Variants in BRD10 observed in about 807,000 individuals in gnomAD.
The protein encoded by BRD10 is bromodomain containing 10, also known as uncharacterized bromodomain-containing protein 10.
the BRD10 span, chr9:5,968,981 G>A: frequency 6.2e-7 from 1 of 1,609,576 alleles, no homozygotes; most frequent in African/African-American, 1.3e-5. Flanking sequence ...TTCGTGAAAA[G>A]GTTTTTCTTC....
the BRD10 span, among the ~76,000 whole-genome samples, chr9:5,890,141 G>T: frequency 6.6e-6 from 1 of 152,154 alleles, no homozygotes; most frequent in African/African-American, 2.4e-5. Context: ...AGTTTAGTTT[G>T]GATTTCAGAT....
the BRD10 span, among the ~76,000 whole-genome samples, chr9:5,994,446 G>C: frequency 6.6e-6 from 1 of 152,068 alleles, no homozygotes; most frequent in South Asian, 2.1e-4. Flanking sequence ...CCACAAAAAA[G>C]CACTTATTAA....
chr9:5,960,518 C>A, the BRD10 span, among the ~76,000 whole-genome samples: 4 of 149,800 alleles, frequency 2.7e-5, no homozygotes, highest in Admixed American at 2.0e-4. Context: ...GCAGAGAATG[C>A]GCCAATGCAC....
At chr9:5,978,497 A>G in the BRD10 span, among the ~76,000 whole-genome samples, 2 of 152,130 alleles carry the variant, frequency 1.3e-5, no homozygotes, top group Admixed American at 6.5e-5. Context: ...TAAGATGAAT[A>G]ACACATAATA....
the BRD10 span, among the ~76,000 whole-genome samples, chr9:5,955,388 T>C: frequency 6.6e-6 from 1 of 152,196 alleles, no homozygotes; most frequent in African/African-American, 2.4e-5. Flanking sequence ...TGTCAATATT[T>C]TTTTCAAAAG....
the BRD10 span, chr9:6,008,264 C>A: frequency 1.0e-6 from 1 of 984,000 alleles, no homozygotes; most frequent in African/African-American, 1.7e-5. Context: ...CTCACACCCC[C>A]TCCCGCCCCC....
chr9:5,993,919 A>G, the BRD10 span, among the ~76,000 whole-genome samples: 5 of 152,198 alleles, frequency 3.3e-5, no homozygotes, highest in Admixed American at 2.6e-4. Context: ...TAGGAAAGAC[A>G]GAAAATTTTA....
the BRD10 span, among the ~76,000 whole-genome samples, chr9:5,936,802 A>C: frequency 6.6e-6 from 1 of 152,226 alleles, no homozygotes; most frequent in Non-Finnish European, 1.5e-5. Flanking sequence ...CATAGATTTA[A>C]ATTCAATTTT....
chr9:5,914,295 CTTACT>C, the BRD10 span, among the ~76,000 whole-genome samples: 1 of 151,534 alleles, frequency 6.6e-6, no homozygotes, highest in Non-Finnish European at 1.5e-5. Flanking sequence ...CCGTGTTTTC[CTTACT>C]TAATAATTTA....
the BRD10 span, among the ~76,000 whole-genome samples, chr9:5,902,470 T>C: frequency 7.0e-6 from 1 of 142,732 alleles, no homozygotes; most frequent in Non-Finnish European, 1.5e-5. Flanking sequence ...CTTTCTTTCC[T>C]TTTTTTTTTC....
chr9:5,952,738 T>G, the BRD10 span, among the ~76,000 whole-genome samples: 1 of 152,280 alleles, frequency 6.6e-6, no homozygotes, highest in Middle Eastern at 3.4e-3. Context: ...GGCTGATGCT[T>G]TGAGGACTGA....
the BRD10 span, chr9:6,008,095 C>G: frequency 1.3e-5 from 13 of 984,590 alleles, no homozygotes; most frequent in Non-Finnish European, 1.4e-5. Context: ...GCACCCCGCC[C>G]GCCTGCTCTT....
chr9:5,919,749 G>T, the BRD10 span: 1 of 1,613,474 alleles, frequency 6.2e-7, no homozygotes, highest in Non-Finnish European at 8.5e-7. Flanking sequence ...ACAGACGCAG[G>T]ACTTCGACTG....
At chr9:5,895,086 G>A in the BRD10 span, among the ~76,000 whole-genome samples, 8 of 152,188 alleles carry the variant, frequency 5.3e-5, no homozygotes, top group South Asian at 2.1e-4. Context: ...ACCCGTATGC[G>A]TGGGAGCTAT....
the BRD10 span, among the ~76,000 whole-genome samples, chr9:5,953,099 AAATG>A: frequency 1.3e-5 from 2 of 152,192 alleles, no homozygotes; most frequent in Non-Finnish European, 1.5e-5. Context: ...TTTTTACTGA[AAATG>A]AATGTGTCCA....
the BRD10 span, chr9:5,924,748 G>C: frequency 6.2e-7 from 1 of 1,606,166 alleles, no homozygotes; most frequent in Non-Finnish European, 8.5e-7. Context: ...TCTTTTCCAA[G>C]ATCTCCTTCA....
chr9:5,945,431 T>A, the BRD10 span, among the ~76,000 whole-genome samples: 1 of 152,116 alleles, frequency 6.6e-6, no homozygotes, highest in African/African-American at 2.4e-5. Context: ...GTTATTGCTG[T>A]TGGGGTTGCT....
At chr9:5,942,998 C>A in the BRD10 span, among the ~76,000 whole-genome samples, 1 of 152,136 alleles carries the variant, frequency 6.6e-6, no homozygotes, top group Admixed American at 6.6e-5. Flanking sequence ...CTGCCTCAGC[C>A]TCCTTAGAAG....
the BRD10 span, among the ~76,000 whole-genome samples, chr9:5,899,425 A>C: frequency 6.6e-6 from 1 of 152,288 alleles, no homozygotes; most frequent in East Asian, 1.9e-4. Flanking sequence ...ATAAATACAA[A>C]TACAAACCAT....
Sources: gnomAD v4.1 joint callset for allele counts (sites outside exome capture counted in the v4.1 genomes callset) on GRCh38, gnomAD v4.1.1 for gene constraint, MANE v1.5 for transcripts, NCBI Gene and HGNC (gene_info 2026-07-23, HGNC 2026-07-21) for gene names.